The following DPP6 variants were observed in gnomAD, a reference collection of about 807,000 sequenced individuals.
DPP6 encodes the protein A-type potassium channel modulatory protein DPP6.
Under a neutral mutation model 122.6 loss-of-function variants are expected in DPP6, and 69 were observed. That is an observed-to-expected ratio of 0.56 (90% CI 0.46 to 0.69). The LOEUF (loss-of-function observed/expected upper bound fraction) is 0.69, where lower values mean the gene tolerates loss of function less well. DPP6 is among the 30% of genes least tolerant of loss of function. The pLI, the probability that DPP6 is intolerant of heterozygous loss-of-function variation, is 0.00. For synonymous variants in DPP6, 418 were observed against 433.1 expected (o/e 0.97, Z 0.43); for missense variants, 928 against 1,116.9 (o/e 0.83, Z 2.41).
At position 154,687,409 on chromosome 7, in the gene DPP6, G is replaced by C. The variant is rs74798351; in HGVS notation, c.762+17968G>C. ...TGTTTTCTGGTGCACATGTGGCAAA[G>C]TTTCTGTAGGTTTTGCTGTGTGTAT... On this transcript the variant is annotated intron_variant, in intron 7 of 25. Coordinates refer to ENST00000377770, the MANE Select transcript of DPP6 (RefSeq NM_130797.4). Among the ~76,000 whole-genome samples the C allele has an allele frequency of 0.018, 2,740 of 152,292 alleles. 176 individuals are homozygous for C. In the East Asian group the frequency reaches 0.18, roughly 10 times the overall value.
intron 1 of DPP6, among the ~76,000 whole-genome samples, chr7:154,032,948 T>C (rs1490096813): frequency 2.7e-5 from 4 of 150,728 alleles, no homozygotes; most frequent in South Asian, 2.1e-4. Flanking sequence ...TGGCTTTATA[T>C]ACCTGTGGCT....
At chr7:154,686,415 A>ATTTTT (rs55835037) in intron 7 of DPP6, among the ~76,000 whole-genome samples, 5 of 148,018 alleles carry the variant, frequency 3.4e-5, no homozygotes, top group Non-Finnish European at 6.0e-5. Flanking sequence ...CACCATAAGG[A>ATTTTT]TTTTTTTTTT....
intron 1 of DPP6, among the ~76,000 whole-genome samples, chr7:154,156,842 T>A (rs534773623): frequency 1.8e-3 from 273 of 149,868 alleles, no homozygotes; most frequent in African/African-American, 6.6e-3. Context: ...TATTAAAATT[T>A]AGCCAAAGGA....
chr7:153,855,746 G>T, the DPP6 span, among the ~76,000 whole-genome samples: 1 of 152,064 alleles, frequency 6.6e-6, no homozygotes, highest in African/African-American at 2.4e-5. Context: ...TTCCTGCTTA[G>T]GAAGTGCCTC....
chr7:153,820,190 A>G, the DPP6 span, among the ~76,000 whole-genome samples: 42,155 of 152,134 alleles, frequency 0.28, 6,419 homozygotes, highest in Admixed American at 0.41. Flanking sequence ...CCTCAACATT[A>G]CAAGAGGCAT....
chr7:154,025,213 G>C (rs1189758973), intron 1 of DPP6, among the ~76,000 whole-genome samples: 9 of 150,568 alleles, frequency 6.0e-5, no homozygotes, highest in African/African-American at 1.7e-4. Flanking sequence ...TGAGAGTCTT[G>C]AGAGGTGGAG....
the DPP6 span, among the ~76,000 whole-genome samples, chr7:153,847,815 C>A: frequency 6.6e-6 from 1 of 152,288 alleles, no homozygotes; most frequent in South Asian, 2.1e-4. Context: ...CATGCGTCTG[C>A]AGTTCAGTTT....
intron 1 of DPP6, among the ~76,000 whole-genome samples, chr7:154,202,772 C>T (rs1247221565): frequency 2.0e-5 from 3 of 152,186 alleles, no homozygotes; most frequent in Non-Finnish European, 4.4e-5. Context: ...TTTAACATGC[C>T]TCCTTCCTTC....
At chr7:153,776,189 A>G in the DPP6 span, among the ~76,000 whole-genome samples, 2 of 152,128 alleles carry the variant, frequency 1.3e-5, no homozygotes, top group Non-Finnish European at 2.9e-5. Context: ...AGCAATCAAC[A>G]TGGTGTGGTA....
At chr7:154,290,337 A>G (rs1239736289) in intron 1 of DPP6, among the ~76,000 whole-genome samples, 1 of 152,168 alleles carries the variant, frequency 6.6e-6, no homozygotes, top group Non-Finnish European at 1.5e-5. Flanking sequence ...GACCATTCCA[A>G]AAATGTCCTA....
chr7:154,395,877 G>C (rs1815034678), intron 1 of DPP6, among the ~76,000 whole-genome samples: 1 of 149,896 alleles, frequency 6.7e-6, no homozygotes, highest in South Asian at 2.1e-4. Context: ...TGAGTATGAT[G>C]TTCACTCTGG....
chr7:154,594,982 G>A (rs964078316), intron 5 of DPP6, among the ~76,000 whole-genome samples: 3 of 151,064 alleles, frequency 2.0e-5, no homozygotes, highest in Non-Finnish European at 4.4e-5. Flanking sequence ...GATGGCCTTT[G>A]TGGGTTTTTT....
At chr7:154,785,588 C>T (rs181609418) in intron 10 of DPP6, among the ~76,000 whole-genome samples, 1 of 152,240 alleles carries the variant, frequency 6.6e-6, no homozygotes, top group Non-Finnish European at 1.5e-5. Context: ...GATTAGTCCC[C>T]CGCCCTTTCC....
intron 1 of DPP6, among the ~76,000 whole-genome samples, chr7:154,193,175 A>G (rs1475356236): frequency 6.6e-6 from 1 of 152,156 alleles, no homozygotes; most frequent in Non-Finnish European, 1.5e-5. Flanking sequence ...AAAACATCAG[A>G]GTGATTTTGC....
At chr7:154,175,045 G>T (rs1260050440) in intron 1 of DPP6, among the ~76,000 whole-genome samples, 2 of 150,914 alleles carry the variant, frequency 1.3e-5, no homozygotes, top group African/African-American at 4.9e-5. Flanking sequence ...CCCCACCCCT[G>T]TCTAATTTTT....
chr7:153,850,222 G>A, the DPP6 span, among the ~76,000 whole-genome samples: 1 of 152,184 alleles, frequency 6.6e-6, no homozygotes, highest in Non-Finnish European at 1.5e-5. Context: ...AGCCAGGACT[G>A]TGGCCTTATC....
chr7:154,841,050 A>C (rs1801489245), intron 16 of DPP6, among the ~76,000 whole-genome samples: 1 of 152,260 alleles, frequency 6.6e-6, no homozygotes, highest in African/African-American at 2.4e-5. Flanking sequence ...GATCACTAGA[A>C]ATCAAATCAG....
At chr7:154,737,084 A>C (rs1842603496) in intron 8 of DPP6, among the ~76,000 whole-genome samples, 1 of 152,152 alleles carries the variant, frequency 6.6e-6, no homozygotes, top group African/African-American at 2.4e-5. Flanking sequence ...AGCTCATCAG[A>C]CTCTAGACCA....
chr7:154,857,616 C>A (rs754588212), intron 17 of DPP6, among the ~76,000 whole-genome samples: 3 of 152,230 alleles, frequency 2.0e-5, no homozygotes, highest in Non-Finnish European at 4.4e-5. Context: ...ACTGAGTTTT[C>A]ATTTTGTCTG....
Sources: allele counts gnomAD v4.1 joint callset (sites outside exome capture counted in the v4.1 genomes callset), GRCh38; gene constraint gnomAD v4.1.1; transcripts MANE v1.5; gene names NCBI Gene and HGNC (gene_info 2026-07-23, HGNC 2026-07-21).